The following CARD10 variants were observed in gnomAD, a reference collection of about 807,000 sequenced individuals.
CARD10 encodes the protein caspase recruitment domain-containing protein 10.
A neutral mutation model predicts 114.6 loss-of-function variants in CARD10; 49 were observed. The observed-to-expected ratio is 0.43, with a 90% CI of 0.34 to 0.54. The LOEUF is 0.54. Among genes scored for constraint, CARD10 ranks in the 20% least tolerant of loss-of-function variants. CARD10 has a pLI of 0.03. For synonymous variants in CARD10, 602 were observed against 593.2 expected (o/e 1.01, Z -0.21); for missense variants, 1,206 against 1,397.2 (o/e 0.86, Z 2.18).
At chr22:37,518,244 C>T in intron 1 of CARD10, 136 bp from the exon 2 acceptor site, 1 of 770,454 alleles carries the variant, frequency 1.3e-6, no homozygotes, top group East Asian at 2.7e-5. Context: ...GGGCCTGTCC[C>T]AACACATCAG....
At chr22:37,517,827 C>A (rs1257964413) in intron 2 of CARD10, 144 bp downstream of exon 2, 10 of 1,104,796 alleles carry the variant, frequency 9.1e-6, no homozygotes, top group Non-Finnish European at 1.2e-6. Flanking sequence ...CCGTGGGGCC[C>A]TGGGCAAGCC....
rs537956524 is a variant in CARD10 at position 37,492,798 on chromosome 22, C to T, written c.2481G>A (p.Pro827=). The change falls in exon 17 of 20, where the codon CCG becomes CCA. Residue 827 remains proline (P), a synonymous_variant. Coordinates refer to ENST00000251973, the MANE Select transcript of CARD10 (RefSeq NM_014550.4). The surrounding 1 kb of genome is among the most constrained non-coding windows in gnomAD (Gnocchi z 5.7). The part of the protein sequence containing the change: ...DQLLLEPCAE[P]ERSLRPYSLV... ...AACTGTAGGGTCTGAGGCTCCGCTCCGGCTCTGTGGCAGGGGAGGGGCGCA... is the reference window on the plus strand; with the variant it reads ...AACTGTAGGGTCTGAGGCTCCGCTCTGGCTCTGTGGCAGGGGAGGGGCGCA... The T allele has an allele frequency of 8.7e-6, 14 of 1,610,802 alleles. No individual in the cohort carries two copies. The East Asian group carries it at 8.9e-5, about 10-fold the overall frequency.
chr22:37,500,937 C>G (rs1330657279), intron 11 of CARD10, among the ~76,000 whole-genome samples: 1 of 152,128 alleles, frequency 6.6e-6, no homozygotes, highest in Non-Finnish European at 1.5e-5. Flanking sequence ...ACTATGTGAG[C>G]CCATTTTACA....
intron 15 of CARD10, 45 bp from the exon 16 acceptor site, chr22:37,494,233 GC>G: frequency 7.4e-7 from 1 of 1,345,694 alleles, no homozygotes. Flanking sequence ...GCTCAGCCCC[GC>G]CCCCTCAGGG....
chr22:37,515,300 C>T (rs1923799583), intron 3 of CARD10, among the ~76,000 whole-genome samples: 1 of 152,106 alleles, frequency 6.6e-6, no homozygotes, highest in Admixed American at 6.6e-5. Flanking sequence ...CGGTGGCTCA[C>T]GCCTGTAATC....
intron 5 of CARD10, 55 bp from the exon 6 acceptor site, chr22:37,508,009 T>C: frequency 1.2e-6 from 2 of 1,606,708 alleles, no homozygotes; most frequent in Non-Finnish European, 1.7e-6. Context: ...ATGAGAAAGC[T>C]AACCAGCAGG....
chr22:37,500,405 C>T (rs916621410), intron 11 of CARD10, among the ~76,000 whole-genome samples: 19 of 152,236 alleles, frequency 1.2e-4, no homozygotes, highest in African/African-American at 4.6e-4. Context: ...GCCTCTCTCA[C>T]CCAGCACCTC....
intron 11 of CARD10, among the ~76,000 whole-genome samples, chr22:37,500,246 G>A (rs1291538475): frequency 3.9e-5 from 6 of 152,326 alleles, no homozygotes; most frequent in Middle Eastern, 3.4e-3. Context: ...CTAGTGGGCC[G>A]TGGAGCCAGG....
In CARD10 at chr22:37,509,175, C is replaced by G. The variant is rs1923524054; in HGVS notation, c.910-493G>C. 4 of 1,439,698 alleles carry G rather than the reference C, an allele frequency of 2.8e-6. No homozygotes were observed. The African/African-American group carries it at 5.7e-5, about 21-fold the overall frequency. The allele number at this position is 1,439,698 out of a possible 1,614,324, so 89.2% of individuals were successfully genotyped here. ...CCCAACCCCATGAAACACACTGGCTCTCATCCCCCACTTCCTGTGTGGAAC... is the reference window on the plus strand; with the variant it reads ...CCCAACCCCATGAAACACACTGGCTGTCATCCCCCACTTCCTGTGTGGAAC... On this transcript the variant is annotated intron_variant, in intron 4 of 19. Coordinates refer to ENST00000251973, the MANE Select transcript of CARD10 (RefSeq NM_014550.4).
Position 37,504,731 on chromosome 22 carries a change from G to A in CARD10, c.1422C>T (p.Ser474=), listed in dbSNP as rs1923344298. The A allele has an allele frequency of 2.5e-6, 4 of 1,575,960 alleles. No individual in the cohort carries two copies. Among genetic ancestry groups the A allele is most frequent in the Non-Finnish European group, 3.4e-6 (4 of 1,163,370 alleles). ...ASSHSLCSNL[S]STWSLSEFPS... is the part of the protein sequence containing the mutation. ...GGAACTCGCTCAGGCTCCAAGTGCT[G>A]CTGAGGTTGGAGCACAGGGAATGGG... Residue 474 remains serine, a synonymous_variant, in exon 8 of 20, where the codon AGC becomes AGT. Transcript: ENST00000251973.
At position 37,492,366 on chromosome 22, in the gene CARD10, AAGCCCAGAACAGCAGC is replaced by A. The variant is rs1922834153; in HGVS notation, c.2751+53_2751+68del. 6 of 1,213,770 alleles carry A rather than the reference AAGCCCAGAACAGCAGC, an allele frequency of 4.9e-6. No homozygotes were observed. In the South Asian group the frequency reaches 7.6e-5, roughly 15 times the overall value. The allele number at this position is 1,213,770 out of a possible 1,614,324, so 75.2% of individuals were successfully genotyped here. On this transcript the variant is annotated intron_variant, in intron 18 of 19. Transcript: ENST00000251973. This position sits in a 1 kb window ranked among gnomAD's most constrained non-coding sequence, Gnocchi z 5.7. ...GGCCCGCGCTCAGACGCTGGCGCTC[AAGCCCAGAACAGCAGC>A]ACCCGCTCTGGGCCACCTCTGTGAG...
Position 37,518,993 on chromosome 22 carries a change from G to T in CARD10, c.208C>A (p.Arg70Ser), listed in dbSNP as rs569899430. 1 of 1,568,390 alleles carries T rather than the reference G, an allele frequency of 6.4e-7. No homozygotes were observed. Among genetic ancestry groups the T allele is most frequent in the Non-Finnish European group, 8.6e-7 (1 of 1,161,814 alleles). Residue 70 changes from arginine to serine, a missense_variant, in exon 1 of 20, where the codon CGC (arginine) becomes AGC (serine). Coordinates refer to ENST00000251973, the MANE Select transcript of CARD10 (RefSeq NM_014550.4). ...QDEEEVLSTY[R>S]FPCRVNRTGR... ...GTGCGGTTGACGCGGCACGGGAAGC[G>T]GTAGGTGCTCAGCACCTCCTCCTCG...
chr22:37,500,451 C>T (rs924095186), intron 11 of CARD10, among the ~76,000 whole-genome samples: 1 of 152,096 alleles, frequency 6.6e-6, no homozygotes, highest in Non-Finnish European at 1.5e-5. Flanking sequence ...TGTCCCCCAC[C>T]TGACTATCTG....
At chr22:37,508,007 G>C in intron 5 of CARD10, 53 bp from the exon 6 acceptor site, 1 of 1,607,636 alleles carries the variant, frequency 6.2e-7, no homozygotes, top group Non-Finnish European at 8.5e-7. Context: ...CCATGAGAAA[G>C]CTAACCAGCA....
chr22:37,510,327 T>A lies in CARD10; in HGVS notation c.794A>T (p.Glu265Val). Residue 265 changes from glutamate to valine, a missense_variant, in exon 4 of 20, where the codon GAG becomes GTG. Coordinates refer to ENST00000251973, the MANE Select transcript of CARD10 (RefSeq NM_014550.4). ...CTCCTTCTCCTTCTCCTTCTCCTTC[T>A]CCTTCTCCTCTGCCCCAGGGGGCGG... ...RGPPPGAEEK[E>V]KEKEKEKEPD... is the part of the protein sequence containing the mutation. 1 of 1,610,606 alleles carries A rather than the reference T, an allele frequency of 6.2e-7. No homozygotes were observed. The highest frequency in any genetic ancestry group is 8.5e-7 in the Non-Finnish European group (1 of 1,179,294).
chr22:37,518,481 T>C (rs1295864629), intron 1 of CARD10, among the ~76,000 whole-genome samples: 4 of 152,192 alleles, frequency 2.6e-5, no homozygotes, highest in Non-Finnish European at 5.9e-5. Context: ...CCATCATGCC[T>C]TTTTGAGTTC....
rs369461548 is a variant in CARD10 at position 37,492,554 on chromosome 22, C to A, written c.2636-4G>T. 2.5e-6 allele frequency: 4 copies of A among 1,600,636 alleles called. No individual in the cohort carries two copies. The African/African-American group carries it at 4.0e-5, about 16-fold the overall frequency. On this transcript the variant is annotated splice_region_variant and splice_polypyrimidine_tract_variant and intron_variant, in intron 17 of 19. Transcript: ENST00000251973. The surrounding 1 kb of genome is among the most constrained non-coding windows in gnomAD (Gnocchi z 5.7). ...AGTTCCTCCCCAGAGAGGCTTTCTG[C>A]ACAGGGAGTGGAGAGGGAGAGATGA... is the stretch of plus-strand genomic sequence containing the variant.
At chr22:37,491,575 A>G (rs1308679821) in intron 19 of CARD10, among the ~76,000 whole-genome samples, 180 bp downstream of exon 19, 1 of 9,926 alleles carries the variant, frequency 1.0e-4, no homozygotes, top group Non-Finnish European at 2.0e-4. Flanking sequence ...CGGGGGAGGG[A>G]GGGGGGAGGG....
intron 4 of CARD10, chr22:37,509,020 C>T: frequency 6.5e-7 from 1 of 1,550,156 alleles, no homozygotes; most frequent in Non-Finnish European, 8.7e-7. Context: ...TCCAGGGCAG[C>T]AGACGGAGGC....
Sources: gnomAD v4.1 joint callset for allele counts (sites outside exome capture counted in the v4.1 genomes callset) on GRCh38, gnomAD v4.1.1 for gene constraint, Gnocchi (gnomAD v3.1) non-coding constraint, MANE v1.5 for transcripts, NCBI Gene and HGNC (gene_info 2026-07-23, HGNC 2026-07-21) for gene names.